The following SLC4A10 variants were observed in gnomAD, a reference collection of about 807,000 sequenced individuals.
SLC4A10 encodes the protein sodium-driven chloride bicarbonate exchanger.
In SLC4A10, 42 loss-of-function variants were observed where a neutral mutation model predicts 137.7. The observed-to-expected ratio is 0.30, with a 90% CI of 0.24 to 0.39. The LOEUF is 0.39. Among genes scored for constraint, SLC4A10 ranks in the 10% least tolerant of loss-of-function variants. SLC4A10 has a pLI of 1.00. For synonymous variants in SLC4A10, 474 were observed against 464.1 expected, an observed-to-expected ratio of 1.02 and a Z score of -0.27; for missense variants, 925 against 1,355.0, an observed-to-expected ratio of 0.68 and a Z score of 4.98.
At chr2:161,773,018 T>C (rs1159791589) in intron 2 of SLC4A10, among the ~76,000 whole-genome samples, 1 of 151,846 alleles carries the variant, frequency 6.6e-6, no homozygotes, top group Non-Finnish European at 1.5e-5. Flanking sequence ...GTAGCATTAT[T>C]GAGATAATGA....
rs542382321 is a variant in SLC4A10 at position 161,970,151 on chromosome 2, T to C, written c.3160-4098T>C. On this transcript the variant is annotated intron_variant, in intron 23 of 26. Coordinates refer to ENST00000446997, the MANE Select transcript of SLC4A10 (RefSeq NM_001178015.2). ...CCTAAAACCACAGAATAAAATATAG[T>C]CTTCTAAATACAAGGATACTCTATC... 2.0e-5 allele frequency among the ~76,000 whole-genome samples: 3 copies of C among 152,290 alleles called. No individual in the cohort carries two copies. The South Asian group carries it at 6.2e-4, about 32-fold the overall frequency.
intron 1 of SLC4A10, among the ~76,000 whole-genome samples, chr2:161,765,832 G>T (rs1056272388): frequency 6.6e-6 from 1 of 152,020 alleles, no homozygotes; most frequent in Non-Finnish European, 1.5e-5. Flanking sequence ...CTATGTGTTT[G>T]GGGTAACCAA....
In SLC4A10 at chr2:161,879,178, G is replaced by T. The variant is rs746999616; in HGVS notation, c.996G>T (p.Ser332=). Residue 332 remains serine, a synonymous_variant, in exon 9 of 27, where the codon TCG becomes TCT. Transcript: ENST00000446997. ...AGATTCCTCCAGGTGCTGAAGCATC[G>T]AACATCTTAGTGGGAGAACTGGAGT... ...MKKIPPGAEA[S]NILVGELEFL... 1.2e-6 allele frequency: 2 copies of T among 1,613,450 alleles called. No homozygotes were observed. The highest frequency in any genetic ancestry group is 3.3e-5 in the Admixed American group (2 of 59,940).
At chr2:161,789,997 T>C (rs1398749434) in intron 2 of SLC4A10, among the ~76,000 whole-genome samples, 1 of 152,120 alleles carries the variant, frequency 6.6e-6, no homozygotes, top group African/African-American at 2.4e-5. Flanking sequence ...ATTTCACAGA[T>C]AAAGAAACTA....
At chr2:161,767,276 G>C (rs2051012325) in intron 1 of SLC4A10, among the ~76,000 whole-genome samples, 1 of 143,856 alleles carries the variant, frequency 7.0e-6, no homozygotes, top group Non-Finnish European at 1.5e-5. Context: ...TCACAGACAT[G>C]AGCATTTTTA....
chr2:161,778,877 G>A (rs1167121884), intron 2 of SLC4A10, among the ~76,000 whole-genome samples: 1 of 151,860 alleles, frequency 6.6e-6, no homozygotes, highest in Non-Finnish European at 1.5e-5. Flanking sequence ...TTGCATTTGG[G>A]CAAAAAGAAT....
chr2:161,658,967 A>G (rs527429225), intron 1 of SLC4A10, among the ~76,000 whole-genome samples: 1 of 152,318 alleles, frequency 6.6e-6, no homozygotes, highest in Admixed American at 6.5e-5. Flanking sequence ...AAGTAGATTA[A>G]TATAGCCTCC....
chr2:161,632,531 TATGATATAA>T (rs1335330688), intron 1 of SLC4A10, among the ~76,000 whole-genome samples: 1 of 151,694 alleles, frequency 6.6e-6, no homozygotes, highest in Non-Finnish European at 1.5e-5. Flanking sequence ...AGTATAACTT[TATGATATAA>T]ATGTCTGTTA....
chr2:161,682,169 G>A (rs2040926859), intron 1 of SLC4A10, among the ~76,000 whole-genome samples: 1 of 152,084 alleles, frequency 6.6e-6, no homozygotes, highest in Admixed American at 6.6e-5. Flanking sequence ...TGTCGAGTAT[G>A]TTTAGGAAAT....
intron 15 of SLC4A10, among the ~76,000 whole-genome samples, chr2:161,930,507 A>G (rs956451376): frequency 6.6e-6 from 1 of 150,914 alleles, no homozygotes; most frequent in Non-Finnish European, 1.5e-5. Context: ...AATCCTGTCC[A>G]GTTGTTATAA....
chr2:161,902,925 T>A (rs115262828), intron 12 of SLC4A10, among the ~76,000 whole-genome samples: 2,315 of 152,266 alleles, frequency 0.015, 57 homozygotes, highest in African/African-American at 0.053. Flanking sequence ...ATACTCAGCA[T>A]GCTGGCAGTA....
chr2:161,809,618 T>C (rs1358779724), intron 3 of SLC4A10, among the ~76,000 whole-genome samples: 1 of 152,120 alleles, frequency 6.6e-6, no homozygotes, highest in Non-Finnish European at 1.5e-5. Context: ...CCCAGCACCA[T>C]TTATTTAATA....
At chr2:161,698,154 T>C (rs1274832264) in intron 1 of SLC4A10, among the ~76,000 whole-genome samples, 1 of 152,248 alleles carries the variant, frequency 6.6e-6, no homozygotes, top group African/African-American at 2.4e-5. Flanking sequence ...TCCACATTGA[T>C]TTTCTGTCTT....
chr2:161,960,497 A>G (rs1696495291), intron 21 of SLC4A10, among the ~76,000 whole-genome samples: 1 of 151,850 alleles, frequency 6.6e-6, no homozygotes, highest in East Asian at 1.9e-4. Context: ...AGGCGGGTGG[A>G]TCACCTGAGG....
chr2:161,901,955 A>G, intron 12 of SLC4A10: 2 of 426,138 alleles, frequency 4.7e-6, no homozygotes, highest in Non-Finnish European at 9.3e-6. Context: ...TCTCTTTCTC[A>G]GGTGTAACAT....
At chr2:161,744,092 A>G (rs1193190094) in intron 1 of SLC4A10, among the ~76,000 whole-genome samples, 1 of 152,108 alleles carries the variant, frequency 6.6e-6, no homozygotes, top group Non-Finnish European at 1.5e-5. Flanking sequence ...AATTCTATTT[A>G]TTCCTTTCCA....
chr2:161,966,386 A>G (rs1037702672), intron 23 of SLC4A10, among the ~76,000 whole-genome samples: 12 of 152,174 alleles, frequency 7.9e-5, no homozygotes, highest in African/African-American at 2.2e-4. Flanking sequence ...ACAAAAAATG[A>G]TATTATACAA....
At chr2:161,923,141 G>A (rs372915804) in intron 15 of SLC4A10, among the ~76,000 whole-genome samples, 7 of 152,192 alleles carry the variant, frequency 4.6e-5, no homozygotes, top group African/African-American at 1.7e-4. Context: ...TCTGGATGAG[G>A]GCATTTAATT....
chr2:161,803,802 GT>G (rs2055627058), intron 2 of SLC4A10, among the ~76,000 whole-genome samples: 1 of 151,960 alleles, frequency 6.6e-6, no homozygotes, highest in African/African-American at 2.4e-5. Flanking sequence ...TATATACTGT[GT>G]TTTTCCTTTA....
Sources: allele counts gnomAD v4.1 joint callset (sites outside exome capture counted in the v4.1 genomes callset), GRCh38; gene constraint gnomAD v4.1.1; transcripts MANE v1.5; gene names NCBI Gene and HGNC (gene_info 2026-07-23, HGNC 2026-07-21).